Variants in EBF1 observed in about 807,000 individuals in gnomAD.
The protein encoded by EBF1 is transcription factor COE1.
In EBF1, 10 loss-of-function variants were observed where a neutral mutation model predicts 68.4. The ratio of observed to expected loss-of-function variants is 0.15; its 90% CI spans 0.09 to 0.25. EBF1 has a LOEUF of 0.25. EBF1 is among the 10% of genes least tolerant of loss of function. The pLI is 1.00. For synonymous variants in EBF1, 298 were observed against 299.8 expected, an observed-to-expected ratio of 0.99 and a Z score of 0.06; for missense variants, 509 against 794.4, an observed-to-expected ratio of 0.64 and a Z score of 4.32.
chr5:158,949,624 C>T (rs1815560397), intron 6 of EBF1, among the ~76,000 whole-genome samples: 1 of 152,162 alleles, frequency 6.6e-6, no homozygotes, highest in Non-Finnish European at 1.5e-5. Flanking sequence ...AAAAAGGTGA[C>T]CCACACCCAA....
chr5:159,016,124 A>G lies in EBF1; in HGVS notation c.554+57272T>C, dbSNP rs186200829. Among the ~76,000 whole-genome samples the G allele has an allele frequency of 4.9e-3, 740 of 152,336 alleles. 4 individuals are homozygous for G. Among genetic ancestry groups the G allele is most frequent in the African/African-American group, 0.016 (663 of 41,576 alleles). On this transcript the variant is annotated intron_variant, in intron 6 of 15. Transcript: ENST00000313708. Reference sequence around the variant, plus strand: ...AAGATTAAGCACATAAAACCTCAGTAGAGGTTACTAGATGTGTTTCATGAG... The same window carrying G: ...AAGATTAAGCACATAAAACCTCAGTGGAGGTTACTAGATGTGTTTCATGAG...
intron 5 of EBF1, among the ~76,000 whole-genome samples, chr5:159,081,998 A>C (rs952833270): frequency 6.6e-6 from 1 of 152,206 alleles, no homozygotes; most frequent in African/African-American, 2.4e-5. Flanking sequence ...GAGTGGTAAT[A>C]ATAATTATAA....
intron 1 of EBF1, 40 bp from the exon 2 acceptor site, chr5:159,097,170 G>T (rs368896129): frequency 1.9e-6 from 3 of 1,588,974 alleles, no homozygotes; most frequent in East Asian, 4.5e-5. Flanking sequence ...TAAACCGGAC[G>T]CCGACCCGCG....
chr5:158,957,402 C>T (rs2127524066), intron 6 of EBF1, among the ~76,000 whole-genome samples: 1 of 152,310 alleles, frequency 6.6e-6, no homozygotes, highest in South Asian at 2.1e-4. Flanking sequence ...AGGGCAGGAA[C>T]CAAATCTGTT....
chr5:159,064,424 A>T (rs148681027), intron 6 of EBF1, among the ~76,000 whole-genome samples: 209 of 152,302 alleles, frequency 1.4e-3, no homozygotes, highest in African/African-American at 4.6e-3. Flanking sequence ...TTGCTTTGTC[A>T]CCAATAAAGT....
At chr5:159,016,392 T>C (rs1765625171) in intron 6 of EBF1, among the ~76,000 whole-genome samples, 1 of 152,140 alleles carries the variant, frequency 6.6e-6, no homozygotes, top group Non-Finnish European at 1.5e-5. Context: ...TCGGAATTGC[T>C]CTCTCATAAA....
At chr5:158,724,844 C>T (rs1243508851) in intron 11 of EBF1, among the ~76,000 whole-genome samples, 1 of 152,212 alleles carries the variant, frequency 6.6e-6, no homozygotes, top group Non-Finnish European at 1.5e-5. Context: ...TGTCTTCCTT[C>T]ATGGTGTGTT....
At chr5:158,788,628 A>G (rs1037239386) in intron 9 of EBF1, among the ~76,000 whole-genome samples, 86 of 152,312 alleles carry the variant, frequency 5.6e-4, no homozygotes, top group African/African-American at 1.8e-3. Flanking sequence ...GCAATCAGCA[A>G]GAAAGGAATA....
At chr5:158,919,799 G>A (rs928077920) in intron 6 of EBF1, among the ~76,000 whole-genome samples, 1 of 152,116 alleles carries the variant, frequency 6.6e-6, no homozygotes, top group Admixed American at 6.5e-5. Context: ...CAAAAAACAC[G>A]ACGGTACATA....
intron 6 of EBF1, among the ~76,000 whole-genome samples, chr5:158,914,383 G>T (rs1448409317): frequency 1.3e-5 from 2 of 152,114 alleles, no homozygotes; most frequent in African/African-American, 4.8e-5. Context: ...TCTCAGACAG[G>T]TTCATTTTTC....
intron 8 of EBF1, among the ~76,000 whole-genome samples, chr5:158,817,068 C>T (rs376499347): frequency 1.3e-5 from 2 of 152,148 alleles, no homozygotes; most frequent in Non-Finnish European, 2.9e-5. Flanking sequence ...GCCACCAAGA[C>T]CATGGCCTGA....
At chr5:158,956,027 AAT>A (rs1491258643) in intron 6 of EBF1, among the ~76,000 whole-genome samples, 2 of 100,140 alleles carry the variant, frequency 2.0e-5, no homozygotes, top group African/African-American at 8.1e-5. Context: ...AATAAATATA[AAT>A]GTGTGTGTGT....
chr5:158,905,860 C>G (rs1435523989), intron 6 of EBF1, among the ~76,000 whole-genome samples: 1 of 152,160 alleles, frequency 6.6e-6, no homozygotes, highest in Non-Finnish European at 1.5e-5. Flanking sequence ...GAAAGCCTTG[C>G]CCTGGCCCCA....
Position 158,699,063 on chromosome 5 carries a change from T to C in EBF1, c.*48A>G. On this transcript the variant is annotated 3_prime_UTR_variant, in exon 16 of 16. Transcript: ENST00000313708. ...GGGACTTGTATCAGATTACTCTCTG[T>C]AGCAGAATCCAACCTCTTCATTAAT... The C allele has an allele frequency of 6.4e-7, 1 of 1,565,198 alleles. No individual in the cohort carries two copies. Among genetic ancestry groups the C allele is most frequent in the Non-Finnish European group, 8.7e-7 (1 of 1,153,526 alleles).
At chr5:158,874,951 C>A (rs1797538026) in intron 6 of EBF1, among the ~76,000 whole-genome samples, 1 of 151,730 alleles carries the variant, frequency 6.6e-6, no homozygotes, top group Admixed American at 6.6e-5. Context: ...CCTGAGATGG[C>A]AATTATAGAA....
At chr5:158,827,667 G>A (rs1786485625) in intron 7 of EBF1, among the ~76,000 whole-genome samples, 1 of 152,108 alleles carries the variant, frequency 6.6e-6, no homozygotes, top group Non-Finnish European at 1.5e-5. Flanking sequence ...TAAGATTCAT[G>A]AAGCATAACC....
chr5:158,816,984 C>G (rs114250385), intron 8 of EBF1, among the ~76,000 whole-genome samples: 4,008 of 152,210 alleles, frequency 0.026, 197 homozygotes, highest in African/African-American at 0.092. Context: ...GGGCTTTCAC[C>G]GGATCTGAGG....
In EBF1 at chr5:159,097,051, G is replaced by C; in HGVS notation, c.214C>G (p.Leu72Val). 2 of 1,614,014 alleles carry C rather than the reference G, an allele frequency of 1.2e-6. No individual in the cohort carries two copies. Among genetic ancestry groups the C allele is most frequent in the Non-Finnish European group, 1.7e-6 (2 of 1,179,988 alleles). The change falls in exon 2 of 16, where the codon CTG becomes GTG. Residue 72 changes from leucine to valine, a missense_variant. Around this residue, in one of 3 missense-constraint regions of EBF1, gnomAD observed 230 missense variants for 467.7 expected, o/e 0.49. Transcript: ENST00000313708. ...TGGCCCTGTCTGTCGTAGAGGGCCA[G>C]GACGAAGTGGAAGAAGTTGGATTTC... The part of the protein sequence containing the change: ...LRKSNFFHFV[L>V]ALYDRQGQPV...
chr5:158,776,250 G>T (rs1411354387), intron 10 of EBF1, among the ~76,000 whole-genome samples: 1 of 151,960 alleles, frequency 6.6e-6, no homozygotes, highest in Non-Finnish European at 1.5e-5. Flanking sequence ...CCTGCATTTT[G>T]TTTAAAGGGC....
Sources: gnomAD v4.1 joint callset for allele counts (sites outside exome capture counted in the v4.1 genomes callset) on GRCh38, gnomAD v4.1.1 for gene constraint, gnomAD v4.1.1 regional missense constraint, MANE v1.5 for transcripts, NCBI Gene and HGNC (gene_info 2026-07-23, HGNC 2026-07-21) for gene names.